TSGA10IP: variants seen among roughly 807,000 people sequenced by gnomAD.
The protein encoded by TSGA10IP is testis specific 10 interacting protein.
Under a neutral mutation model 63.2 loss-of-function variants are expected in TSGA10IP, and 64 were observed. That is an observed-to-expected ratio of 1.01 (90% CI 0.83 to 1.25). TSGA10IP has a LOEUF of 1.25. TSGA10IP is among the 50% of genes most tolerant of loss of function. The pLI is 0.00. For missense variants in TSGA10IP, 681 were observed against 710.1 expected, an observed-to-expected ratio of 0.96 and a Z score of 0.47; for synonymous variants, 316 against 298.3, an observed-to-expected ratio of 1.06 and a Z score of -0.61.
chr11:65,952,436 G>GGT (rs540609428), intron 4 of TSGA10IP, among the ~76,000 whole-genome samples: 14 of 150,774 alleles, frequency 9.3e-5, no homozygotes, highest in South Asian at 8.4e-4. Context: ...GTGTGTGTGT[G>GGT]GTGTGTGTGT....
chr11:65,959,362 G>T, intron 7 of TSGA10IP, 48 bp downstream of exon 7: 1 of 1,596,900 alleles, frequency 6.3e-7, no homozygotes, highest in Non-Finnish European at 8.5e-7. Flanking sequence ...TGCTGCTGCG[G>T]GAAGGGGCGC....
exon 3 of TSGA10IP, chr11:65,947,523 T>C (rs1854860131): frequency 6.2e-7 from 1 of 1,613,332 alleles, no homozygotes; most frequent in South Asian, 1.1e-5. Context: ...AGTTCTGGGG[T>C]GCTGCCCCAG....
chr11:65,947,880 C>T, intron 3 of TSGA10IP, 52 bp downstream of exon 3: 2 of 1,513,238 alleles, frequency 1.3e-6, no homozygotes, highest in Non-Finnish European at 1.8e-6. Flanking sequence ...CCGCAGGGAA[C>T]AGGGAGCAGT....
At position 65,945,630 on chromosome 11, in the gene TSGA10IP, A is replaced by G. The variant is rs1261599493; in HGVS notation, c.-46A>G. The stretch of plus-strand genomic sequence containing the variant: ...TGGCTGAGGACTGGTTGCCATAGAG[A>G]TGGCCTGTTAGGCAGTTCTACGGTG... On this transcript the variant is annotated 5_prime_UTR_variant, in exon 1 of 8. An upstream start codon of the reference 5' UTR is lost. Transcript: ENST00000532620. The G allele has an allele frequency of 6.3e-7, 1 of 1,596,706 alleles. No individual in the cohort carries two copies. The highest frequency in any genetic ancestry group is 2.2e-5 in the East Asian group (1 of 44,666).
intron 4 of TSGA10IP, among the ~76,000 whole-genome samples, chr11:65,949,934 C>A (rs1854916187): frequency 7.5e-6 from 1 of 133,050 alleles, no homozygotes; most frequent in Non-Finnish European, 1.5e-5. Context: ...TTCACTGCAA[C>A]CTCCGTCTCC....
chr11:65,953,478 G>C (rs1854972860), intron 4 of TSGA10IP, 89 bp from the exon 5 acceptor site: 6 of 1,454,110 alleles, frequency 4.1e-6, no homozygotes, highest in Non-Finnish European at 5.4e-6. Context: ...CTCCCCACAG[G>C]CTTCCATATT....
At chr11:65,949,009 G>A (rs1293338550) in intron 4 of TSGA10IP, among the ~76,000 whole-genome samples, 1 of 151,626 alleles carries the variant, frequency 6.6e-6, no homozygotes, top group Non-Finnish European at 1.5e-5. Flanking sequence ...AACCCAGCCT[G>A]GTCAACATAG....
In TSGA10IP at chr11:65,958,818, G is replaced by C. The variant is rs1855067539; in HGVS notation, c.1323-65G>C. The stretch of plus-strand genomic sequence containing the variant: ...TCAAGTCCTTAGTGAAGATAAGCGG[G>C]CTCAGGAATGGAGATCAACAGTTGT... On this transcript the variant is annotated intron_variant, in intron 5 of 7. Transcript: ENST00000532620. The C allele has an allele frequency of 2.9e-6, 4 of 1,364,358 alleles. No homozygotes were observed. The South Asian group carries it at 5.0e-5, about 17-fold the overall frequency. The allele number at this position is 1,364,358 out of a possible 1,614,324, so 84.5% of individuals were successfully genotyped here.
exon 7 of TSGA10IP, chr11:65,959,189 GGCCAAT>G: frequency 6.2e-7 from 1 of 1,603,460 alleles, no homozygotes; most frequent in Non-Finnish European, 8.5e-7. Flanking sequence ...TCTCTCCTCA[GGCCAAT>G]GCCCGGCTCA....
exon 5 of TSGA10IP, chr11:65,953,648 A>G: frequency 6.3e-7 from 1 of 1,591,584 alleles, no homozygotes; most frequent in Non-Finnish European, 8.5e-7. Context: ...CACAGCATGT[A>G]CAGCGGCAGG....
At chr11:65,947,777 C>T (rs1054043423) in exon 3 of TSGA10IP, 8 of 1,583,886 alleles carry the variant, frequency 5.1e-6, no homozygotes, top group Admixed American at 3.7e-5. Context: ...GCTGCAGGGG[C>T]CATGGGACCT....
chr11:65,956,479 A>G (rs1855026916), intron 5 of TSGA10IP, among the ~76,000 whole-genome samples: 1 of 149,802 alleles, frequency 6.7e-6, no homozygotes, highest in Non-Finnish European at 1.5e-5. Context: ...ATTTGGAAAC[A>G]GAGGCTCTGA....
intron 4 of TSGA10IP, among the ~76,000 whole-genome samples, chr11:65,949,289 G>A (rs181642694): frequency 6.6e-6 from 1 of 152,304 alleles, no homozygotes; most frequent in Non-Finnish European, 1.5e-5. Flanking sequence ...GAACCAAGAG[G>A]CCCTGTGGAT....
At chr11:65,947,907 C>T in intron 3 of TSGA10IP, 79 bp downstream of exon 3, 13 of 1,508,228 alleles carry the variant, frequency 8.6e-6, no homozygotes, top group Non-Finnish European at 1.2e-5. Flanking sequence ...GGCAGGGGCT[C>T]AGGCAGGCTG....
chr11:65,947,088 C>T (rs899442573), intron 2 of TSGA10IP, 22 bp from the exon 3 acceptor site: 2 of 1,609,394 alleles, frequency 1.2e-6, no homozygotes, highest in East Asian at 2.2e-5. Context: ...CCGACCCTGA[C>T]CCCCACCCTT....
At chr11:65,947,813 A>G in exon 3 of TSGA10IP, 1 of 1,564,798 alleles carries the variant, frequency 6.4e-7, no homozygotes, top group Non-Finnish European at 8.7e-7. Flanking sequence ...GCAGCTACAG[A>G]GAGACCTGGA....
intron 4 of TSGA10IP, among the ~76,000 whole-genome samples, chr11:65,950,855 CCTGGCTG>C (rs1230059473): frequency 1.3e-5 from 2 of 152,188 alleles, no homozygotes; most frequent in Non-Finnish European, 1.5e-5. Context: ...AGCCACCACA[CCTGGCTG>C]CTGGCTAATT....
exon 4 of TSGA10IP, chr11:65,948,133 G>C (rs199754474): frequency 1.0e-5 from 16 of 1,603,602 alleles, no homozygotes; most frequent in African/African-American, 1.3e-5. Flanking sequence ...TTCCACAAAC[G>C]ACAGGAAGCC....
rs1855078761 is a variant in TSGA10IP, at chr11:65,959,326, CGTCAG to C, written c.1547+17_1547+21del. 1 of 1,610,226 alleles carries C rather than the reference CGTCAG, an allele frequency of 6.2e-7. No homozygotes were observed. On this transcript the variant is annotated intron_variant, in intron 7 of 7. Transcript: ENST00000532620. Reference sequence around the variant, plus strand: ...CCCAGGAAACCCAGGTGAGTCTCCCCGTCAGGTCAAGAACTGACTCTGCCATGCTG... The same window carrying C: ...CCCAGGAAACCCAGGTGAGTCTCCCCGTCAAGAACTGACTCTGCCATGCTG...
Sources: allele counts gnomAD v4.1 joint callset (sites outside exome capture counted in the v4.1 genomes callset), GRCh38; gene constraint gnomAD v4.1.1; transcripts MANE v1.5; gene names NCBI Gene and HGNC (gene_info 2026-07-23, HGNC 2026-07-21).